ARHGAP35: variants seen among roughly 807,000 people sequenced by gnomAD.
ARHGAP35 encodes the protein rho GTPase-activating protein 35.
In ARHGAP35, 15 loss-of-function variants were observed where a neutral mutation model predicts 111.1. The ratio of observed to expected loss-of-function variants is 0.13; its 90% CI spans 0.09 to 0.21. The LOEUF is 0.21. ARHGAP35 is among the 10% of genes least tolerant of loss of function. The pLI is 1.00. For synonymous variants in ARHGAP35, 643 were observed against 710.3 expected (o/e 0.91, Z 1.51); for missense variants, 1,262 against 1,873.0 (o/e 0.67, Z 6.02).
chr19:46,950,616 C>T (rs1342761868), intron 3 of ARHGAP35, among the ~76,000 whole-genome samples: 3 of 152,158 alleles, frequency 2.0e-5, no homozygotes, highest in Non-Finnish European at 2.9e-5. Flanking sequence ...TTTGTATCTT[C>T]GGGGCTGAAG....
rs763903264 is a variant in ARHGAP35 at position 46,937,416 on chromosome 19, T to C, written c.3826+8T>C. The C allele has an allele frequency of 5.6e-5, 90 of 1,613,524 alleles. No individual in the cohort carries two copies. Among genetic ancestry groups the C allele is most frequent in the Non-Finnish European group, 7.5e-5 (88 of 1,179,654 alleles). On this transcript the variant is annotated splice_region_variant and intron_variant, in intron 3 of 6. Coordinates refer to ENST00000672722, the MANE Select transcript of ARHGAP35 (RefSeq NM_004491.5). ...AGTACATTGAAGCCACAGGTAAGAG[T>C]ATTACCTCATAGCAGTTTATAACTT...
chr19:46,983,092 GCTCCC>G (rs1233344668), intron 3 of ARHGAP35, among the ~76,000 whole-genome samples: 1 of 139,562 alleles, frequency 7.2e-6, no homozygotes, highest in Non-Finnish European at 1.6e-5. Context: ...AAATTCTTGG[GCTCCC>G]CTCCAAACTG....
chr19:46,938,212 A>T (rs921375483), intron 3 of ARHGAP35, among the ~76,000 whole-genome samples: 5 of 152,294 alleles, frequency 3.3e-5, no homozygotes, highest in Admixed American at 3.3e-4. Context: ...CTACAGTGGT[A>T]TTAAGTATTG....
chr19:46,975,526 G>C (rs965962575), intron 3 of ARHGAP35, among the ~76,000 whole-genome samples: 1 of 152,150 alleles, frequency 6.6e-6, no homozygotes, highest in African/African-American at 2.4e-5. Flanking sequence ...TGGTTTATTA[G>C]TTAATCTCCC....
chr19:46,874,845 T>C (rs1225327558), intron 1 of ARHGAP35, among the ~76,000 whole-genome samples: 51 of 134,962 alleles, frequency 3.8e-4, no homozygotes, highest in Middle Eastern at 8.8e-3. Context: ...GGAGTCTTGC[T>C]CTTTTGCCCA....
At chr19:46,899,387 G>A (rs1212362554) in intron 1 of ARHGAP35, among the ~76,000 whole-genome samples, 1 of 152,166 alleles carries the variant, frequency 6.6e-6, no homozygotes, top group East Asian at 1.9e-4. Context: ...GATTGTGGTA[G>A]TAAAAGCTGT....
chr19:46,902,758 A>C (rs914127313), intron 1 of ARHGAP35, among the ~76,000 whole-genome samples: 7 of 152,220 alleles, frequency 4.6e-5, no homozygotes, highest in Non-Finnish European at 1.0e-4. Flanking sequence ...AATGTTTTAA[A>C]TAAGACAGTA....
chr19:46,990,598 G>A (rs1282662755), intron 5 of ARHGAP35, among the ~76,000 whole-genome samples: 1 of 152,220 alleles, frequency 6.6e-6, no homozygotes, highest in Non-Finnish European at 1.5e-5. Context: ...TGGGGAAGAG[G>A]AAAGGAGACG....
intron 3 of ARHGAP35, among the ~76,000 whole-genome samples, chr19:46,958,645 C>A (rs1432329845): frequency 6.6e-6 from 1 of 152,206 alleles, no homozygotes; most frequent in Non-Finnish European, 1.5e-5. Context: ...TGACCGCTTC[C>A]TGCACATTGG....
In ARHGAP35 at chr19:46,872,251, A is replaced by G. The variant is rs559529763; in HGVS notation, c.-189+11042A>G. 4.6e-5 allele frequency among the ~76,000 whole-genome samples: 7 copies of G among 152,278 alleles called. No individual in the cohort carries two copies. The South Asian group carries it at 1.2e-3, about 27-fold the overall frequency. ...AATAGGATATAGAACTATAAACAGC[A>G]TGAGTCCAGTTATTTTAAAATATAT... is the stretch of plus-strand genomic sequence containing the variant. On this transcript the variant is annotated intron_variant, in intron 1 of 6. Transcript: ENST00000672722.
chr19:46,870,103 T>C (rs982999112), intron 1 of ARHGAP35, among the ~76,000 whole-genome samples: 4 of 151,518 alleles, frequency 2.6e-5, no homozygotes, highest in African/African-American at 9.7e-5. Context: ...CCCGCCACCA[T>C]GCCTGGCTAA....
chr19:46,930,612 C>G lies in ARHGAP35; in HGVS notation c.3682-6652C>G, dbSNP rs964150924. On this transcript the variant is annotated intron_variant, in intron 2 of 6. Transcript: ENST00000672722. ...CAACTCTAGTGAACATATTTTCTGA[C>G]TCTAAAATCTAGATAAGTAACTTTA... Among the ~76,000 whole-genome samples, 3 of 147,960 alleles carry G rather than the reference C, an allele frequency of 2.0e-5. No homozygotes were observed. In the East Asian group the frequency reaches 5.9e-4, roughly 29 times the overall value.
At chr19:46,979,328 C>G (rs1164488242) in intron 3 of ARHGAP35, among the ~76,000 whole-genome samples, 3 of 152,126 alleles carry the variant, frequency 2.0e-5, no homozygotes, top group African/African-American at 7.2e-5. Context: ...GCTCTCCCAG[C>G]TGCTCCTGGC....
intron 1 of ARHGAP35, among the ~76,000 whole-genome samples, chr19:46,907,215 C>G (rs1025798860): frequency 1.3e-5 from 2 of 152,170 alleles, no homozygotes. Flanking sequence ...GGCACGATCT[C>G]GGCTCACTGC....
intron 1 of ARHGAP35, among the ~76,000 whole-genome samples, chr19:46,916,787 CT>C (rs1250951849): frequency 1.3e-5 from 2 of 151,666 alleles, no homozygotes; most frequent in African/African-American, 4.8e-5. Context: ...TGTTCTTACT[CT>C]TTCTGTATAC....
intron 1 of ARHGAP35, among the ~76,000 whole-genome samples, chr19:46,902,269 T>G (rs2056086316): frequency 6.6e-6 from 1 of 152,174 alleles, no homozygotes; most frequent in African/African-American, 2.4e-5. Context: ...TGGAAGAATA[T>G]TAGTTGGGTA....
chr19:46,902,223 CA>C (rs2056086180), intron 1 of ARHGAP35, among the ~76,000 whole-genome samples: 1 of 152,104 alleles, frequency 6.6e-6, no homozygotes, highest in Non-Finnish European at 1.5e-5. Context: ...TGTTAGTTGG[CA>C]AAGTAGTAGA....
chr19:46,996,391 C>T (rs1261240698), intron 5 of ARHGAP35, among the ~76,000 whole-genome samples: 5 of 152,298 alleles, frequency 3.3e-5, no homozygotes, highest in South Asian at 2.1e-4. Context: ...CCTGAGCCAC[C>T]GCGCCCGGCC....
intron 3 of ARHGAP35, among the ~76,000 whole-genome samples, chr19:46,940,190 T>G (rs2056338135): frequency 6.6e-6 from 1 of 151,894 alleles, no homozygotes; most frequent in Non-Finnish European, 1.5e-5. Flanking sequence ...AGAAACCCAG[T>G]CTCTACTAAA....
Sources: gnomAD v4.1 joint callset for allele counts (sites outside exome capture counted in the v4.1 genomes callset) on GRCh38, gnomAD v4.1.1 for gene constraint, MANE v1.5 for transcripts, NCBI Gene and HGNC (gene_info 2026-07-23, HGNC 2026-07-21) for gene names.